Variants in CADM2 observed in about 807,000 individuals in gnomAD.
The protein encoded by CADM2 is immunoglobulin superfamily member 4D.
CADM2 carries 12 observed loss-of-function variants against 49.8 expected under a neutral mutation model. That is an observed-to-expected ratio of 0.24 (90% CI 0.15 to 0.39). CADM2 has a LOEUF of 0.39. Among genes scored for constraint, CADM2 ranks in the 10% least tolerant of loss-of-function variants. The probability of loss-of-function intolerance (pLI) is 1.00; values close to 1 mark genes in which losing one functional copy is unlikely to be tolerated. For missense variants in CADM2, 378 were observed against 492.3 expected (o/e 0.77, Z 2.20); for synonymous variants, 214 against 175.4 (o/e 1.22, Z -1.74).
At chr3:85,876,933 C>A (rs978832525) in intron 3 of CADM2, among the ~76,000 whole-genome samples, 4 of 152,082 alleles carry the variant, frequency 2.6e-5, no homozygotes, top group Non-Finnish European at 4.4e-5. Flanking sequence ...TTTTATTCAG[C>A]ATGAATCCAA....
At chr3:85,421,044 T>G (rs2036146016) in intron 1 of CADM2, among the ~76,000 whole-genome samples, 1 of 152,190 alleles carries the variant, frequency 6.6e-6, no homozygotes, top group East Asian at 1.9e-4. Context: ...ACAGTGTGAA[T>G]GTCTATTAAT....
At chr3:85,879,802 T>A (rs1712471333) in intron 3 of CADM2, among the ~76,000 whole-genome samples, 1 of 152,152 alleles carries the variant, frequency 6.6e-6, no homozygotes, top group South Asian at 2.1e-4. Context: ...AGTTTAATAG[T>A]CTTACTTGGC....
At chr3:85,372,433 A>ATGTATACATG (rs2033313840) in intron 1 of CADM2, among the ~76,000 whole-genome samples, 1 of 131,272 alleles carries the variant, frequency 7.6e-6, no homozygotes, top group Non-Finnish European at 1.7e-5. Context: ...GTGTGTATAT[A>ATGTATACATG]TGTATATATG....
chr3:85,977,473 C>A (rs1451291078), intron 8 of CADM2, among the ~76,000 whole-genome samples: 1 of 151,418 alleles, frequency 6.6e-6, no homozygotes, highest in East Asian at 1.9e-4. Context: ...AGATCCTAAT[C>A]AGCAAATAAT....
chr3:85,859,969 T>G (rs2075461372), intron 3 of CADM2, among the ~76,000 whole-genome samples: 1 of 152,208 alleles, frequency 6.6e-6, no homozygotes. Flanking sequence ...CATTTCCATT[T>G]AATACACTCA....
chr3:85,472,826 C>T (rs945469453), intron 1 of CADM2, among the ~76,000 whole-genome samples: 6 of 151,942 alleles, frequency 3.9e-5, no homozygotes, highest in Non-Finnish European at 8.8e-5. Flanking sequence ...ATCTTAAAGA[C>T]ATTAAGTAAT....
intron 1 of CADM2, among the ~76,000 whole-genome samples, chr3:84,979,942 T>A (rs1041955761): frequency 1.3e-5 from 2 of 152,182 alleles, no homozygotes; most frequent in Admixed American, 1.3e-4. Context: ...AGTTTGCACA[T>A]GTAACTAATC....
chr3:85,096,188 T>A (rs2037786865), intron 1 of CADM2, among the ~76,000 whole-genome samples: 1 of 152,160 alleles, frequency 6.6e-6, no homozygotes, highest in South Asian at 2.1e-4. Context: ...TTTATCTATA[T>A]TTAACATCAG....
At chr3:85,216,373 A>G (rs1316350299) in intron 1 of CADM2, among the ~76,000 whole-genome samples, 3 of 146,930 alleles carry the variant, frequency 2.0e-5, no homozygotes, top group Non-Finnish European at 4.5e-5. Context: ...TATATTTAAT[A>G]TTAATGTACA....
intron 1 of CADM2, among the ~76,000 whole-genome samples, chr3:85,257,877 C>T (rs557418091): frequency 1.3e-5 from 2 of 151,892 alleles, no homozygotes; most frequent in Non-Finnish European, 2.9e-5. Context: ...AATGACAGAC[C>T]GCTGATACTT....
intron 1 of CADM2, among the ~76,000 whole-genome samples, chr3:85,076,303 T>TTGTGTGTGTGTGTG (rs71108205): frequency 0.032 from 4,493 of 139,228 alleles, 117 homozygotes; most frequent in East Asian, 0.08. Flanking sequence ...AAAAAAGAAA[T>TTGTGTGTGTGTGTG]TGTGTGTGTG....
chr3:85,118,734 T>C (rs2038737205), intron 1 of CADM2, among the ~76,000 whole-genome samples: 1 of 152,134 alleles, frequency 6.6e-6, no homozygotes, highest in Non-Finnish European at 1.5e-5. Context: ...ATGTTGTCCA[T>C]TTATTTATAT....
chr3:85,438,315 G>A (rs9863488), intron 1 of CADM2, among the ~76,000 whole-genome samples: 85,416 of 150,966 alleles, frequency 0.57, 25,114 homozygotes, highest in East Asian at 0.83. Context: ...CTTTAAATAT[G>A]GATCATTATC....
intron 1 of CADM2, among the ~76,000 whole-genome samples, chr3:85,105,260 A>G (rs987075308): frequency 1.3e-5 from 2 of 152,220 alleles, no homozygotes; most frequent in Non-Finnish European, 2.9e-5. Context: ...GAAAAAACAA[A>G]CAACCCCATC....
chr3:85,666,200 C>G (rs975789203), intron 1 of CADM2, among the ~76,000 whole-genome samples: 2 of 151,984 alleles, frequency 1.3e-5, no homozygotes, highest in Non-Finnish European at 2.9e-5. Flanking sequence ...TGAAGGACAT[C>G]TTCATGGAGA....
intron 1 of CADM2, among the ~76,000 whole-genome samples, chr3:85,603,310 G>T (rs549514007): frequency 3.3e-5 from 5 of 151,942 alleles, no homozygotes; most frequent in African/African-American, 1.2e-4. Flanking sequence ...AGGGGAGAAG[G>T]GATACAGTTG....
intron 8 of CADM2, among the ~76,000 whole-genome samples, chr3:85,998,971 T>C (rs1030865896): frequency 5.9e-5 from 9 of 152,180 alleles, no homozygotes; most frequent in Non-Finnish European, 1.0e-4. Flanking sequence ...CTTTGGTCTC[T>C]GGGTGTTTGG....
intron 6 of CADM2, among the ~76,000 whole-genome samples, chr3:85,920,862 A>T (rs573190253): frequency 6.6e-6 from 1 of 151,554 alleles, no homozygotes; most frequent in African/African-American, 2.4e-5. Context: ...TTAAAAGATA[A>T]TAAATGTATA....
chr3:85,120,021 GC>G (rs2038794421), intron 1 of CADM2, among the ~76,000 whole-genome samples: 1 of 152,134 alleles, frequency 6.6e-6, no homozygotes, highest in Non-Finnish European at 1.5e-5. Context: ...CAAAATGTGG[GC>G]AAAGGATATG....
Sources: allele counts gnomAD v4.1 joint callset (sites outside exome capture counted in the v4.1 genomes callset), GRCh38; gene constraint gnomAD v4.1.1; transcripts MANE v1.5; gene names NCBI Gene and HGNC (gene_info 2026-07-23, HGNC 2026-07-21).